Variants in PAWR observed in about 807,000 individuals in gnomAD.
PAWR encodes the protein PRKC apoptosis WT1 regulator protein.
Under a neutral mutation model 32.0 loss-of-function variants are expected in PAWR, and 23 were observed. The observed-to-expected ratio is 0.72, with a 90% confidence interval of 0.52 to 1.02. The LOEUF is 1.02. Among genes scored for constraint, PAWR ranks in the 50% least tolerant of loss-of-function variants. PAWR has a pLI of 0.00. For synonymous variants in PAWR, 226 were observed against 187.1 expected (o/e 1.21, Z -1.70); for missense variants, 457 against 437.7 (o/e 1.04, Z -0.39).
chr12:79,635,382 T>C (rs1287534664), intron 2 of PAWR, among the ~76,000 whole-genome samples: 3 of 152,090 alleles, frequency 2.0e-5, no homozygotes, highest in Non-Finnish European at 1.5e-5. Context: ...GACTGAGGGA[T>C]ATTACTGGTT....
rs1873564307 is a variant in PAWR, at chr12:79,591,779, G to A, written c.*828C>T. The A allele has an allele frequency of 6.6e-6, 1 of 152,046 alleles. No homozygotes were observed. Among genetic ancestry groups the A allele is most frequent in the Admixed American group, 6.6e-5 (1 of 15,228 alleles). 9.4% of individuals were successfully genotyped at this position (152,046 alleles called of 1,614,324 possible). A position where few individuals can be genotyped will look rare whatever the true frequency, so the allele number is the denominator to read the frequency against. ...AGTGTGCATGCTAATATAAAAATAT[G>A]GATTTTTTTCTCCTACACTGACTTT... On this transcript the variant is annotated 3_prime_UTR_variant, in exon 7 of 7. Transcript: ENST00000328827.
chr12:79,616,114 T>G (rs931973943), intron 3 of PAWR, among the ~76,000 whole-genome samples: 4 of 151,906 alleles, frequency 2.6e-5, no homozygotes, highest in African/African-American at 9.7e-5. Context: ...GTATTTGCAT[T>G]AACATTTTAC....
At chr12:79,646,476 T>C (rs1267270908) in intron 2 of PAWR, among the ~76,000 whole-genome samples, 4 of 152,190 alleles carry the variant, frequency 2.6e-5, no homozygotes, top group African/African-American at 7.2e-5. Flanking sequence ...TCCAGTCCCC[T>C]TCCCCAACAC....
chr12:79,684,849 G>A (rs560864565), intron 2 of PAWR, among the ~76,000 whole-genome samples: 4 of 152,088 alleles, frequency 2.6e-5, no homozygotes, highest in South Asian at 2.1e-4. Flanking sequence ...CTTAAACTAG[G>A]TATACAGTAT....
Position 79,690,097 on chromosome 12 carries a change from C to T in PAWR, c.148G>A (p.Ala50Thr), listed in dbSNP as rs541063095. 2.7e-5 allele frequency: 40 copies of T among 1,463,258 alleles called. No homozygotes were observed. In the African/African-American group the frequency reaches 4.6e-4, roughly 17 times the overall value. The allele number at this position is 1,463,258 out of a possible 1,614,324, so 90.6% of individuals were successfully genotyped here. The change falls in exon 2 of 7, where the codon GCT (alanine) becomes ACT (threonine). Residue 50 changes from alanine (A) to threonine (T), a missense_variant. Coordinates refer to ENST00000328827, the MANE Select transcript of PAWR (RefSeq NM_002583.4). ...APPGGGSSDA[A>T]GKPPAGALGT... Reference sequence around the variant, plus strand: ...AGAGCCCCCGCGGGGGGCTTCCCAGCGGCGTCGCTGCTGCCCCCTCCCGGG... The same window carrying T: ...AGAGCCCCCGCGGGGGGCTTCCCAGTGGCGTCGCTGCTGCCCCCTCCCGGG...
rs1019900228 is a variant in PAWR, at chr12:79,591,876, T to TA, written c.*730dup. ...TGTTCACTAGCAAACCTTGGAACGA[T>TA]AAAAAAAGGTAGTACCTACATAAGA... On this transcript the variant is annotated 3_prime_UTR_variant, in exon 7 of 7. Coordinates refer to ENST00000328827, the MANE Select transcript of PAWR (RefSeq NM_002583.4). 15 of 152,544 alleles carry TA rather than the reference T, an allele frequency of 9.8e-5. No homozygotes were observed. Among genetic ancestry groups the TA allele is most frequent in the East Asian group, 1.9e-4 (1 of 5,182 alleles). The allele number at this position is 152,544 out of a possible 1,614,324, so 9.4% of individuals were successfully genotyped here.
chr12:79,660,583 C>CA (rs1877300358), intron 2 of PAWR, among the ~76,000 whole-genome samples: 1 of 135,434 alleles, frequency 7.4e-6, no homozygotes, highest in Admixed American at 7.5e-5. Flanking sequence ...TTTCATTGTA[C>CA]TTTTTTTTTT....
chr12:79,649,630 A>T (rs1432173435), intron 2 of PAWR, among the ~76,000 whole-genome samples: 1 of 152,072 alleles, frequency 6.6e-6, no homozygotes, highest in Non-Finnish European at 1.5e-5. Flanking sequence ...TCTATAAAAA[A>T]TTTTTAAAAA....
At chr12:79,681,252 C>G (rs1010831965) in intron 2 of PAWR, among the ~76,000 whole-genome samples, 5 of 151,968 alleles carry the variant, frequency 3.3e-5, no homozygotes, top group Non-Finnish European at 5.9e-5. Flanking sequence ...CAGTAAGGTC[C>G]TTTCCCAATG....
intron 2 of PAWR, among the ~76,000 whole-genome samples, chr12:79,633,095 A>C (rs1470883575): frequency 6.6e-6 from 1 of 152,152 alleles, no homozygotes; most frequent in Non-Finnish European, 1.5e-5. Flanking sequence ...ACTGTACTCC[A>C]GCCTAGGCAA....
At chr12:79,687,336 A>G (rs955855097) in intron 2 of PAWR, among the ~76,000 whole-genome samples, 2 of 152,160 alleles carry the variant, frequency 1.3e-5, no homozygotes, top group Non-Finnish European at 2.9e-5. Flanking sequence ...ACACTCTATA[A>G]CTAGTAAAGT....
At chr12:79,645,045 C>G (rs1876505885) in intron 2 of PAWR, among the ~76,000 whole-genome samples, 1 of 151,474 alleles carries the variant, frequency 6.6e-6, no homozygotes, top group South Asian at 2.1e-4. Flanking sequence ...ACCACACACA[C>G]ACACACACAC....
At chr12:79,656,330 T>C (rs906675284) in intron 2 of PAWR, among the ~76,000 whole-genome samples, 5 of 152,236 alleles carry the variant, frequency 3.3e-5, no homozygotes, top group African/African-American at 1.2e-4. Context: ...AACTGGTTGA[T>C]ACTGGTAGCC....
At chr12:79,661,259 A>AC (rs897463546) in intron 2 of PAWR, among the ~76,000 whole-genome samples, 1 of 151,846 alleles carries the variant, frequency 6.6e-6, no homozygotes, top group African/African-American at 2.4e-5. Context: ...AAAAAAAAAA[A>AC]AAAAAAAAAG....
intron 5 of PAWR, among the ~76,000 whole-genome samples, chr12:79,595,379 A>C (rs1274149638): frequency 6.6e-6 from 1 of 152,240 alleles, no homozygotes; most frequent in Non-Finnish European, 1.5e-5. Flanking sequence ...CTTGCCCAGA[A>C]CTTGGCTTCT....
intron 2 of PAWR, among the ~76,000 whole-genome samples, chr12:79,640,055 C>T (rs1012085504): frequency 3.6e-4 from 55 of 152,094 alleles, no homozygotes; most frequent in African/African-American, 1.3e-3. Flanking sequence ...CAGGTGCCTG[C>T]GAACACACCT....
In PAWR at chr12:79,592,011, G is replaced by A. The variant is rs1371954198; in HGVS notation, c.*596C>T. 6.6e-6 allele frequency: 1 copy of A among 152,422 alleles called. No individual in the cohort carries two copies. The highest frequency in any genetic ancestry group is 6.6e-5 in the Admixed American group (1 of 15,260). 9.4% of individuals were successfully genotyped at this position (152,422 alleles called of 1,614,324 possible). A position where few individuals can be genotyped will look rare whatever the true frequency, so the allele number is the denominator to read the frequency against. On this transcript the variant is annotated 3_prime_UTR_variant, in exon 7 of 7. Coordinates refer to ENST00000328827, the MANE Select transcript of PAWR (RefSeq NM_002583.4). Reference sequence around the variant, plus strand: ...TTTTATTTACTATAGCACAATTCAAGTATTCTCTTAAATTTATATTTAGTC... The same window carrying A: ...TTTTATTTACTATAGCACAATTCAAATATTCTCTTAAATTTATATTTAGTC...
At chr12:79,659,284 A>T (rs542691249) in intron 2 of PAWR, among the ~76,000 whole-genome samples, 2 of 151,774 alleles carry the variant, frequency 1.3e-5, no homozygotes, top group South Asian at 2.1e-4. Flanking sequence ...ACAGAGTGAG[A>T]CTCAGTCTCA....
chr12:79,644,672 A>G (rs1247440738), intron 2 of PAWR, among the ~76,000 whole-genome samples: 3 of 152,204 alleles, frequency 2.0e-5, no homozygotes, highest in African/African-American at 7.2e-5. Flanking sequence ...TGTTAGCAAA[A>G]ACATTTTCAC....
Sources: gnomAD v4.1 joint callset for allele counts (sites outside exome capture counted in the v4.1 genomes callset) on GRCh38, gnomAD v4.1.1 for gene constraint, MANE v1.5 for transcripts, NCBI Gene and HGNC (gene_info 2026-07-23, HGNC 2026-07-21) for gene names.